The following CACNA2D3 variants were observed in gnomAD, a reference collection of about 807,000 sequenced individuals.
CACNA2D3 encodes calcium voltage-gated channel auxiliary subunit alpha2delta 3, also known as voltage-dependent calcium channel subunit alpha-2/delta-3.
Under a neutral mutation model 160.6 loss-of-function variants are expected in CACNA2D3, and 60 were observed. The ratio of observed to expected loss-of-function variants is 0.37; its 90% CI spans 0.30 to 0.46. The LOEUF is 0.46. CACNA2D3 is among the 20% of genes least tolerant of loss of function. The pLI, the probability that CACNA2D3 is intolerant of heterozygous loss-of-function variation, is 1.00. For synonymous variants in CACNA2D3, 558 were observed against 492.9 expected (o/e 1.13, Z -1.75); for missense variants, 1,205 against 1,365.0 (o/e 0.88, Z 1.85).
At chr3:54,554,205 C>A (rs1268305378) in intron 5 of CACNA2D3, among the ~76,000 whole-genome samples, 2 of 152,180 alleles carry the variant, frequency 1.3e-5, no homozygotes, top group East Asian at 3.9e-4. Flanking sequence ...TTTGGGTAAA[C>A]CCCCTCCCCA....
chr3:55,016,774 A>G (rs1277555577), intron 34 of CACNA2D3, among the ~76,000 whole-genome samples: 1 of 152,230 alleles, frequency 6.6e-6, no homozygotes, highest in Non-Finnish European at 1.5e-5. Flanking sequence ...AACAAAGATT[A>G]CAATGCATTG....
At chr3:54,579,768 A>G (rs1702644100) in intron 8 of CACNA2D3, among the ~76,000 whole-genome samples, 1 of 151,730 alleles carries the variant, frequency 6.6e-6, no homozygotes, top group Non-Finnish European at 1.5e-5. Flanking sequence ...TTCATATTGA[A>G]CTCTGCAGTT....
At chr3:54,155,215 A>G (rs2107288639) in intron 2 of CACNA2D3, among the ~76,000 whole-genome samples, 1 of 152,340 alleles carries the variant, frequency 6.6e-6, no homozygotes, top group Admixed American at 6.5e-5. Context: ...TGTGGTAGTA[A>G]GTACAACATT....
chr3:54,768,957 G>A (rs534926958), intron 13 of CACNA2D3, among the ~76,000 whole-genome samples: 4 of 152,238 alleles, frequency 2.6e-5, no homozygotes, highest in African/African-American at 9.6e-5. Flanking sequence ...GCCAGGAAGG[G>A]CACTGGGGAG....
intron 2 of CACNA2D3, chr3:54,273,083 G>A (rs67074169): frequency 0.15 from 22,734 of 152,314 alleles, 2,073 homozygotes; most frequent in South Asian, 0.2. Flanking sequence ...CAGCTCTTCC[G>A]CTGTTTTGCT....
intron 14 of CACNA2D3, among the ~76,000 whole-genome samples, chr3:54,834,990 T>G (rs1376680842): frequency 6.6e-6 from 1 of 152,216 alleles, no homozygotes; most frequent in East Asian, 1.9e-4. Flanking sequence ...GCTTTACTAC[T>G]GATTAAAATG....
At chr3:54,702,826 T>C (rs59796966) in intron 11 of CACNA2D3, among the ~76,000 whole-genome samples, 38,724 of 152,118 alleles carry the variant, frequency 0.25, 5,295 homozygotes, top group African/African-American at 0.3. Context: ...ATGGAATCAA[T>C]GTAGATGCCT....
At chr3:54,592,262 G>A (rs1477142233) in intron 9 of CACNA2D3, among the ~76,000 whole-genome samples, 1 of 152,232 alleles carries the variant, frequency 6.6e-6, no homozygotes, top group East Asian at 1.9e-4. Flanking sequence ...TAGGGTGAAA[G>A]TGCTGGCCTT....
At chr3:54,282,847 CTTTGT>C (rs776565977) in intron 2 of CACNA2D3, among the ~76,000 whole-genome samples, 25 of 151,078 alleles carry the variant, frequency 1.7e-4, no homozygotes, top group Middle Eastern at 3.4e-3. Flanking sequence ...TTAGTTTTCG[CTTTGT>C]TTTTTTTTTT....
chr3:55,056,675 T>A (rs165388), intron 35 of CACNA2D3, among the ~76,000 whole-genome samples: 66,677 of 152,020 alleles, frequency 0.44, 15,346 homozygotes, highest in East Asian at 0.59. Context: ...GAATTGGAGA[T>A]CATTATTCTA....
At position 54,324,947 on chromosome 3, in the gene CACNA2D3, T is replaced by A. The variant is rs1380488179; in HGVS notation, c.321+4389T>A. On this transcript the variant is annotated intron_variant, in intron 3 of 37. Coordinates refer to ENST00000474759, the MANE Select transcript of CACNA2D3 (RefSeq NM_018398.3). ...TCTTTGATATTGATGGAAGGCAAAT[T>A]TGACACCACTCCCCTTTCTTCTGAG... Among the ~76,000 whole-genome samples, 4 of 152,062 alleles carry A rather than the reference T, an allele frequency of 2.6e-5. No individual in the cohort carries two copies. The East Asian group carries it at 7.7e-4, about 29-fold the overall frequency.
intron 2 of CACNA2D3, among the ~76,000 whole-genome samples, chr3:54,288,443 CA>C (rs957021623): frequency 1.3e-5 from 2 of 152,218 alleles, no homozygotes; most frequent in South Asian, 4.1e-4. Flanking sequence ...GCTTACCCAC[CA>C]AAAAGAGTCC....
intron 35 of CACNA2D3, among the ~76,000 whole-genome samples, chr3:55,052,023 G>A (rs1704232930): frequency 6.6e-6 from 1 of 152,130 alleles, no homozygotes; most frequent in Admixed American, 6.5e-5. Context: ...CTAGTGAGAT[G>A]AACCCGGTAC....
At chr3:54,888,180 T>C in intron 24 of CACNA2D3, 128 bp downstream of exon 24, 1 of 735,396 alleles carries the variant, frequency 1.4e-6, no homozygotes. Flanking sequence ...TCCCCCAAGC[T>C]CCAAACCACA....
chr3:54,528,532 T>C (rs1179725344), intron 5 of CACNA2D3, among the ~76,000 whole-genome samples: 2 of 152,210 alleles, frequency 1.3e-5, no homozygotes, highest in African/African-American at 4.8e-5. Flanking sequence ...TACCTGTGTT[T>C]ATCCTGACCC....
intron 11 of CACNA2D3, among the ~76,000 whole-genome samples, chr3:54,680,236 G>T (rs1700317346): frequency 6.6e-6 from 1 of 152,140 alleles, no homozygotes; most frequent in African/African-American, 2.4e-5. Context: ...TACTTCCAAA[G>T]ATATACATTC....
At chr3:54,737,182 A>ATGTGTGTGTGTGTG (rs4025817) in intron 11 of CACNA2D3, among the ~76,000 whole-genome samples, 6 of 147,490 alleles carry the variant, frequency 4.1e-5, no homozygotes, top group Non-Finnish European at 8.9e-5. Flanking sequence ...CCATGTGTAT[A>ATGTGTGTGTGTGTG]TGTGTGTGTG....
At chr3:54,357,221 A>G (rs1698664344) in intron 3 of CACNA2D3, among the ~76,000 whole-genome samples, 1 of 152,194 alleles carries the variant, frequency 6.6e-6, no homozygotes, top group African/African-American at 2.4e-5. Context: ...ATGCATATCT[A>G]TTAAATGAAT....
intron 26 of CACNA2D3, chr3:54,897,101 G>A: frequency 2.0e-6 from 1 of 504,858 alleles, no homozygotes; most frequent in South Asian, 3.0e-5. Flanking sequence ...ATTTCAGGAA[G>A]CAGGGCTGAT....
Sources: gnomAD v4.1 joint callset for allele counts (sites outside exome capture counted in the v4.1 genomes callset) on GRCh38, gnomAD v4.1.1 for gene constraint, MANE v1.5 for transcripts, NCBI Gene and HGNC (gene_info 2026-07-23, HGNC 2026-07-21) for gene names.